The following KCTD9 variants were observed in gnomAD, a reference collection of about 807,000 sequenced individuals.
The protein encoded by KCTD9 is BTB/POZ domain-containing protein KCTD9.
In KCTD9, 17 loss-of-function variants were observed where a neutral mutation model predicts 53.3. The observed-to-expected ratio is 0.32, with a 90% CI of 0.22 to 0.48. The LOEUF is 0.48. KCTD9 is among the 20% of genes least tolerant of loss of function. The pLI is 0.99. For synonymous variants in KCTD9, 128 were observed against 162.7 expected, an observed-to-expected ratio of 0.79 and a Z score of 1.62; for missense variants, 179 against 465.5, an observed-to-expected ratio of 0.38 and a Z score of 5.66.
chr8:25,441,965 C>G (rs1407133542), intron 3 of KCTD9, among the ~76,000 whole-genome samples: 1 of 152,044 alleles, frequency 6.6e-6, no homozygotes, highest in Admixed American at 6.6e-5. Context: ...GATCATACCA[C>G]TGCACTACAG....
rs1218757256 is a variant in KCTD9 at position 25,428,104 on chromosome 8, A to T, written c.*1753T>A. The T allele has an allele frequency of 1.3e-5, 2 of 152,646 alleles. No individual in the cohort carries two copies. Among genetic ancestry groups the T allele is most frequent in the Non-Finnish European group, 1.5e-5 (1 of 68,022 alleles). The allele number at this position is 152,646 out of a possible 1,614,324, so 9.5% of individuals were successfully genotyped here. A position where few individuals can be genotyped will look rare whatever the true frequency, so the allele number is the denominator to read the frequency against. On this transcript the variant is annotated 3_prime_UTR_variant, in exon 12 of 12. Coordinates refer to ENST00000221200, the MANE Select transcript of KCTD9 (RefSeq NM_017634.4). ...TGCAGTTTCTAAGCACACCATGTTT[A>T]GATCTTTCAGATCCTTCTGCAGTTT...
chr8:25,441,905 G>A (rs961019395), intron 3 of KCTD9, among the ~76,000 whole-genome samples: 1 of 152,116 alleles, frequency 6.6e-6, no homozygotes, highest in Non-Finnish European at 1.5e-5. Flanking sequence ...GTTGGGGGCT[G>A]AGGCAGGAGG....
chr8:25,444,995 C>T (rs1726597130), intron 2 of KCTD9, among the ~76,000 whole-genome samples: 1 of 152,094 alleles, frequency 6.6e-6, no homozygotes, highest in South Asian at 2.1e-4. Context: ...TAGGACATCA[C>T]AGGACACGTT....
At chr8:25,442,397 G>T (rs552689067) in intron 3 of KCTD9, among the ~76,000 whole-genome samples, 13 of 152,232 alleles carry the variant, frequency 8.5e-5, no homozygotes, top group African/African-American at 3.1e-4. Flanking sequence ...GATATTCAAA[G>T]AAAAATAATG....
intron 1 of KCTD9, among the ~76,000 whole-genome samples, chr8:25,452,961 G>A (rs761769724): frequency 4.5e-4 from 69 of 152,268 alleles, no homozygotes; most frequent in African/African-American, 1.4e-3. Context: ...GAGGCCAGGA[G>A]TTTGAGACCA....
chr8:25,442,637 A>G (rs1411717998), intron 3 of KCTD9, among the ~76,000 whole-genome samples: 1 of 152,220 alleles, frequency 6.6e-6, no homozygotes, highest in Non-Finnish European at 1.5e-5. Flanking sequence ...AACACTGGAA[A>G]CATAACAAAA....
intron 11 of KCTD9, among the ~76,000 whole-genome samples, chr8:25,431,901 T>C (rs1300932533): frequency 2.0e-5 from 3 of 152,112 alleles, no homozygotes; most frequent in Admixed American, 6.6e-5. Context: ...TTAAATAAAA[T>C]TTAAAAATCA....
At chr8:25,439,834 C>G in intron 4 of KCTD9, 170 bp from the exon 5 acceptor site, 3 of 1,378,986 alleles carry the variant, frequency 2.2e-6, no homozygotes, top group Admixed American at 5.5e-5. Context: ...TTTATCAGAT[C>G]CCTTCTAATA....
intron 1 of KCTD9, among the ~76,000 whole-genome samples, chr8:25,452,915 G>A (rs1343202412): frequency 2.0e-5 from 3 of 150,196 alleles, no homozygotes; most frequent in East Asian, 1.9e-4. Flanking sequence ...GCCTGTAGTC[G>A]CAGCACCTTG....
At chr8:25,445,144 T>C (rs892707272) in intron 2 of KCTD9, among the ~76,000 whole-genome samples, 2 of 152,188 alleles carry the variant, frequency 1.3e-5, no homozygotes, top group African/African-American at 2.4e-5. Context: ...TAAGAAGTTA[T>C]CCTAATTTAT....
intron 7 of KCTD9, 25 bp downstream of exon 7, chr8:25,436,393 C>T (rs951735362): frequency 1.9e-6 from 3 of 1,603,154 alleles, no homozygotes; most frequent in Non-Finnish European, 2.6e-6. Context: ...GAATGTAACA[C>T]TGGCTAATGT....
At chr8:25,447,839 C>T (rs1802243927) in intron 1 of KCTD9, among the ~76,000 whole-genome samples, 1 of 151,978 alleles carries the variant, frequency 6.6e-6, no homozygotes, top group Admixed American at 6.6e-5. Flanking sequence ...CAATAAGAAA[C>T]AATGAGGCCA....
rs1356641670 is a variant in KCTD9 at position 25,445,937 on chromosome 8, T to A, written c.170+192A>T. On this transcript the variant is annotated intron_variant, in intron 2 of 11. Transcript: ENST00000221200. ...CAGAAAGACTATCAGTATACTGAAATGTACTAAGGGTTTTCTAGCTGATCA... is the reference window on the plus strand; with the variant it reads ...CAGAAAGACTATCAGTATACTGAAAAGTACTAAGGGTTTTCTAGCTGATCA... 7.5e-6 allele frequency: 4 copies of A among 533,324 alleles called. No homozygotes were observed. The East Asian group carries it at 1.3e-4, about 17-fold the overall frequency. The allele number at this position is 533,324 out of a possible 1,614,324, so 33.0% of individuals were successfully genotyped here.
At position 25,429,754 on chromosome 8, in the gene KCTD9, T is replaced by G. The variant is rs1489499945; in HGVS notation, c.*103A>C. 5.8e-6 allele frequency: 4 copies of G among 693,672 alleles called. No individual in the cohort carries two copies. The highest frequency in any genetic ancestry group is 5.2e-6 in the Non-Finnish European group (2 of 384,290). The allele number at this position is 693,672 out of a possible 1,614,324, so 43.0% of individuals were successfully genotyped here. ...CCTCTAAATGTTTTTTTTTTAAATTTCCTTACAGTGTTATTTCTTCTAGAC... is the reference window on the plus strand; with the variant it reads ...CCTCTAAATGTTTTTTTTTTAAATTGCCTTACAGTGTTATTTCTTCTAGAC... On this transcript the variant is annotated 3_prime_UTR_variant, in exon 12 of 12. Coordinates refer to ENST00000221200, the MANE Select transcript of KCTD9 (RefSeq NM_017634.4).
chr8:25,450,960 C>G (rs1394219857), intron 1 of KCTD9, among the ~76,000 whole-genome samples: 1 of 152,076 alleles, frequency 6.6e-6, no homozygotes, highest in Non-Finnish European at 1.5e-5. Flanking sequence ...TAACAATTTC[C>G]TTTAAGTGAA....
chr8:25,440,110 G>A (rs1252514466), intron 4 of KCTD9, among the ~76,000 whole-genome samples: 2 of 146,924 alleles, frequency 1.4e-5, no homozygotes, highest in Non-Finnish European at 3.0e-5. Flanking sequence ...CCAGGCTGGA[G>A]TGCAGTGGCA....
chr8:25,458,294 G>A lies in KCTD9; in HGVS notation c.-48C>T, dbSNP rs770727321. On this transcript the variant is annotated 5_prime_UTR_variant, in exon 1 of 12. Coordinates refer to ENST00000221200, the MANE Select transcript of KCTD9 (RefSeq NM_017634.4). ...GAGTGAGCCGCCACCCTCCCACCTG[G>A]TCCTCCTCCCACCTTTTTCTCCTCC... 2 of 1,602,856 alleles carry A rather than the reference G, an allele frequency of 1.2e-6. No homozygotes were observed. The highest frequency in any genetic ancestry group is 1.3e-5 in the African/African-American group (1 of 74,728).
At chr8:25,439,835 C>T in intron 4 of KCTD9, 171 bp from the exon 5 acceptor site, 3 of 1,366,590 alleles carry the variant, frequency 2.2e-6, no homozygotes, top group African/African-American at 1.5e-5. Flanking sequence ...TTATCAGATC[C>T]CTTCTAATAG....
chr8:25,435,325 A>T (rs1213015407), intron 9 of KCTD9, 38 bp downstream of exon 9: 4 of 1,470,710 alleles, frequency 2.7e-6, no homozygotes, highest in Non-Finnish European at 3.6e-6. Flanking sequence ...AATAGACTAA[A>T]CATTTAATTT....
Sources: gnomAD v4.1 joint callset for allele counts (sites outside exome capture counted in the v4.1 genomes callset) on GRCh38, gnomAD v4.1.1 for gene constraint, MANE v1.5 for transcripts, NCBI Gene and HGNC (gene_info 2026-07-23, HGNC 2026-07-21) for gene names.